Variants in TNR observed in about 807,000 individuals in gnomAD.
TNR encodes tenascin R.
TNR carries 45 observed loss-of-function variants against 150.4 expected under a neutral mutation model. The ratio of observed to expected loss-of-function variants is 0.30; its 90% CI spans 0.24 to 0.38. The LOEUF (loss-of-function observed/expected upper bound fraction) is 0.38. TNR is among the 10% of genes least tolerant of loss of function. The probability of loss-of-function intolerance (pLI) is 1.00; values close to 1 mark genes in which losing one functional copy is unlikely to be tolerated. For synonymous variants in TNR, 687 were observed against 678.4 expected (o/e 1.01, Z -0.20); for missense variants, 1,544 against 1,759.1 (o/e 0.88, Z 2.19).
intron 1 of TNR, among the ~76,000 whole-genome samples, chr1:175,666,925 AT>A (rs573035549): frequency 3.3e-5 from 5 of 151,740 alleles, no homozygotes; most frequent in African/African-American, 9.7e-5. Flanking sequence ...TTTGTAAAAC[AT>A]TTTTTTTATA....
intron 1 of TNR, among the ~76,000 whole-genome samples, chr1:175,699,266 GTTGT>G (rs1254974022): frequency 1.3e-5 from 2 of 152,164 alleles, no homozygotes; most frequent in Non-Finnish European, 2.9e-5. Context: ...AGGGAGAGGA[GTTGT>G]TTGAGGAAAG....
intron 1 of TNR, among the ~76,000 whole-genome samples, chr1:175,559,287 G>A (rs954312602): frequency 6.6e-6 from 1 of 151,988 alleles, no homozygotes; most frequent in African/African-American, 2.4e-5. Flanking sequence ...CTTTAAAATT[G>A]TTAATTTTAT....
chr1:175,680,318 G>A (rs1665990829), intron 1 of TNR, among the ~76,000 whole-genome samples: 1 of 152,092 alleles, frequency 6.6e-6, no homozygotes, highest in Non-Finnish European at 1.5e-5. Context: ...GGCAGGGTGG[G>A]CAGGCAGAGA....
chr1:175,420,089 T>C (rs1654684785), intron 2 of TNR, among the ~76,000 whole-genome samples: 1 of 152,060 alleles, frequency 6.6e-6, no homozygotes, highest in African/African-American at 2.4e-5. Flanking sequence ...TCTCTCAAGG[T>C]GACCTTCTCT....
At chr1:175,497,913 A>G (rs1005894393) in intron 2 of TNR, among the ~76,000 whole-genome samples, 1 of 152,146 alleles carries the variant, frequency 6.6e-6, no homozygotes, top group Non-Finnish European at 1.5e-5. Flanking sequence ...TAGAAAAATT[A>G]GCTGGGCGTG....
At chr1:175,391,191 A>G (rs1423426468) in intron 7 of TNR, 97 bp downstream of exon 7, 14 of 1,467,544 alleles carry the variant, frequency 9.5e-6, no homozygotes, top group Non-Finnish European at 1.3e-5. Context: ...GAGAAATTCT[A>G]GCACCTCTGT....
chr1:175,349,866 C>T (rs1453865055), intron 18 of TNR, among the ~76,000 whole-genome samples: 1 of 152,210 alleles, frequency 6.6e-6, no homozygotes, highest in African/African-American at 2.4e-5. Flanking sequence ...GTAGACTTCT[C>T]CTTTTAGGGG....
chr1:175,417,828 T>A (rs929972255), intron 2 of TNR, among the ~76,000 whole-genome samples: 1 of 152,150 alleles, frequency 6.6e-6, no homozygotes, highest in Non-Finnish European at 1.5e-5. Flanking sequence ...TATATTGGAG[T>A]TGATCCTTCC....
intron 1 of TNR, among the ~76,000 whole-genome samples, chr1:175,741,674 G>T (rs1237904126): frequency 2.0e-5 from 3 of 152,142 alleles, no homozygotes; most frequent in Non-Finnish European, 4.4e-5. Flanking sequence ...AAGATTTCTG[G>T]ATCCAATGCC....
At chr1:175,719,123 C>A (rs996443601) in intron 1 of TNR, among the ~76,000 whole-genome samples, 5 of 152,158 alleles carry the variant, frequency 3.3e-5, no homozygotes, top group South Asian at 2.1e-4. Flanking sequence ...CAAGTCCCTC[C>A]TTGTCTCTGG....
chr1:175,378,394 A>G (rs185738598), intron 9 of TNR, among the ~76,000 whole-genome samples: 1 of 152,350 alleles, frequency 6.6e-6, no homozygotes, highest in East Asian at 1.9e-4. Context: ...CAATGTTCAC[A>G]GAGATTTAGG....
At chr1:175,390,823 C>T (rs1358907276) in intron 7 of TNR, among the ~76,000 whole-genome samples, 1 of 152,228 alleles carries the variant, frequency 6.6e-6, no homozygotes, top group African/African-American at 2.4e-5. Context: ...TATCTAATCC[C>T]ATCCTCATAT....
At chr1:175,654,322 C>T (rs1665104036) in intron 1 of TNR, among the ~76,000 whole-genome samples, 1 of 152,176 alleles carries the variant, frequency 6.6e-6, no homozygotes, top group African/African-American at 2.4e-5. Context: ...TAAAGTAGTA[C>T]TTGTCATAGA....
intron 17 of TNR, 57 bp downstream of exon 17, chr1:175,355,446 T>C: frequency 6.3e-7 from 1 of 1,593,794 alleles, no homozygotes; most frequent in Non-Finnish European, 8.5e-7. Flanking sequence ...CACTAGTCAG[T>C]TTCCACATGG....
chr1:175,385,950 A>G (rs1229627512), intron 8 of TNR, 82 bp downstream of exon 8: 1 of 1,460,046 alleles, frequency 6.8e-7, no homozygotes, highest in Admixed American at 2.4e-5. Context: ...CATTCCTAAT[A>G]CTCCTCTTGC....
At chr1:175,481,311 T>C (rs1166654205) in intron 2 of TNR, among the ~76,000 whole-genome samples, 1 of 152,220 alleles carries the variant, frequency 6.6e-6, no homozygotes, top group Non-Finnish European at 1.5e-5. Context: ...GTCTGGTCGG[T>C]AGAGGCCACT....
Position 175,403,576 on chromosome 1 carries a change from G to T in TNR, c.540C>A (p.Asn180Lys), listed in dbSNP as rs1303852841. 14 of 1,613,982 alleles carry T rather than the reference G, an allele frequency of 8.7e-6. No homozygotes were observed. The highest frequency in any genetic ancestry group is 1.7e-5 in the Admixed American group (1 of 60,010). ...TGCAGCCACAGGACTCAAAGCTAAA[G>T]TTGCCGTGGCCACTGCAGTGAGGGA... The part of the protein sequence containing the change: ...DYIPHCSGHG[N>K]FSFESCGCIC... The change falls in exon 4 of 23, where the codon AAC becomes AAA. Residue 180 changes from asparagine (N) to lysine (K), a missense_variant. This residue lies in a region of TNR where 1,254 missense variants were observed against 1,329.4 expected (regional missense o/e 0.94). Coordinates refer to ENST00000367674, the MANE Select transcript of TNR (RefSeq NM_003285.3).
intron 1 of TNR, among the ~76,000 whole-genome samples, chr1:175,721,721 C>A (rs183969610): frequency 1.3e-4 from 20 of 152,218 alleles, no homozygotes; most frequent in African/African-American, 4.6e-4. Context: ...TTCTCCCTAG[C>A]TCCCCAACCC....
At chr1:175,335,636 G>A in intron 20 of TNR, 75 bp downstream of exon 20, 1 of 1,422,714 alleles carries the variant, frequency 7.0e-7, no homozygotes, top group Non-Finnish European at 9.8e-7. Flanking sequence ...GATAATCTCA[G>A]ATGGACACAA....
Sources: allele counts gnomAD v4.1 joint callset (sites outside exome capture counted in the v4.1 genomes callset), GRCh38; gene constraint gnomAD v4.1.1; regional missense constraint gnomAD v4.1.1; transcripts MANE v1.5; gene names NCBI Gene and HGNC (gene_info 2026-07-23, HGNC 2026-07-21).